DNAH11: variants seen among roughly 807,000 people sequenced by gnomAD.
The protein encoded by DNAH11 is axonemal beta dynein heavy chain 11.
Under a neutral mutation model 526.0 loss-of-function variants are expected in DNAH11, and 442 were observed. The observed-to-expected ratio is 0.84, with a 90% CI of 0.78 to 0.91. The LOEUF is 0.91. Ranked by LOEUF, DNAH11 falls within the 40% of genes least tolerant of loss-of-function variation. The pLI, the probability that DNAH11 is intolerant of heterozygous loss-of-function variation, is 0.00. For missense variants in DNAH11, 6,989 were observed against 5,448.7 expected (o/e 1.28, Z -8.90); for synonymous variants, 2,461 against 1,935.9 (o/e 1.27, Z -7.12).
intron 68 of DNAH11, among the ~76,000 whole-genome samples, chr7:21,858,079 AAGAGTTGAAC>A (rs1291772103): frequency 3.3e-5 from 5 of 152,208 alleles, no homozygotes; most frequent in Non-Finnish European, 7.4e-5. Context: ...ACTCAGTAAT[AAGAGTTGAAC>A]AGACATGTAA....
chr7:21,788,944 G>A (rs1788313030), intron 60 of DNAH11, among the ~76,000 whole-genome samples: 1 of 152,174 alleles, frequency 6.6e-6, no homozygotes, highest in Non-Finnish European at 1.5e-5. Context: ...GGACCAGAGA[G>A]AATGTGGAAG....
At chr7:21,687,677 A>G in intron 34 of DNAH11, 150 bp downstream of exon 34, 1 of 991,148 alleles carries the variant, frequency 1.0e-6, no homozygotes, top group East Asian at 2.6e-5. Context: ...TATTTTGAAT[A>G]GTCTCCCATT....
chr7:21,575,697 T>C (rs1238536549), intron 8 of DNAH11, among the ~76,000 whole-genome samples: 9 of 152,198 alleles, frequency 5.9e-5, no homozygotes, highest in Admixed American at 5.9e-4. Flanking sequence ...CTTCCATTTT[T>C]CCTCCCCAAA....
chr7:21,696,713 G>C (rs1783867085), intron 35 of DNAH11, among the ~76,000 whole-genome samples: 1 of 152,140 alleles, frequency 6.6e-6, no homozygotes, highest in Non-Finnish European at 1.5e-5. Context: ...GGAGTATTCT[G>C]ATTCCACCAC....
At chr7:21,619,887 C>G in intron 24 of DNAH11, 69 bp from the exon 25 acceptor site, 1 of 1,431,178 alleles carries the variant, frequency 7.0e-7, no homozygotes, top group South Asian at 1.3e-5. Context: ...AAAATTAATT[C>G]CAGATAATAG....
At position 21,901,501 on chromosome 7, in the gene DNAH11, AAAGGTTGCAGTGAGCC is replaced by A. The variant is rs1333884385; in HGVS notation, c.*248_*263del. 5.3e-6 allele frequency: 2 copies of A among 373,946 alleles called. No homozygotes were observed. The highest frequency in any genetic ancestry group is 5.6e-5 in the East Asian group (1 of 17,774). 23.2% of individuals were successfully genotyped at this position (373,946 alleles called of 1,614,324 possible). A position where few individuals can be genotyped will look rare whatever the true frequency, so the allele number is the denominator to read the frequency against. ...GGAGAATCACTTGAACCTAGGAGGCAAAGGTTGCAGTGAGCCGAGGTTGCACCACTGCACTCCCTCC... is the reference window on the plus strand; with the variant it reads ...GGAGAATCACTTGAACCTAGGAGGCAGAGGTTGCACCACTGCACTCCCTCC... On this transcript the variant is annotated 3_prime_UTR_variant, in exon 82 of 82. Transcript: ENST00000409508.
intron 54 of DNAH11, among the ~76,000 whole-genome samples, chr7:21,760,331 A>G (rs12700302): frequency 0.25 from 37,493 of 152,052 alleles, 5,122 homozygotes; most frequent in Admixed American, 0.4. Flanking sequence ...AACCTGCTCT[A>G]TAGATGAGTT....
chr7:21,748,537 G>T (rs372272834), intron 51 of DNAH11, 43 bp from the exon 52 acceptor site: 2 of 1,428,926 alleles, frequency 1.4e-6, no homozygotes, highest in Middle Eastern at 1.9e-4. Context: ...TAGTCCCGGG[G>T]CATTTTCGAT....
At chr7:21,864,689 G>T in intron 70 of DNAH11, 32 bp downstream of exon 70, 1 of 1,543,210 alleles carries the variant, frequency 6.5e-7, no homozygotes, top group South Asian at 1.3e-5. Flanking sequence ...TCAAATTCTG[G>T]ATCTTATTTA....
chr7:21,591,901 G>T (rs138307499), intron 14 of DNAH11, among the ~76,000 whole-genome samples: 1 of 152,068 alleles, frequency 6.6e-6, no homozygotes, highest in Non-Finnish European at 1.5e-5. Flanking sequence ...TGACTGCCTC[G>T]TATGTGCCAA....
chr7:21,543,627 A>T (rs1432773646), intron 1 of DNAH11, 31 bp downstream of exon 1: 1 of 1,556,208 alleles, frequency 6.4e-7, no homozygotes, highest in East Asian at 2.4e-5. Flanking sequence ...GGACCTGCCC[A>T]TCCAACAAAA....
At chr7:21,680,664 C>G (rs372706384) in intron 30 of DNAH11, among the ~76,000 whole-genome samples, 30 of 152,280 alleles carry the variant, frequency 2.0e-4, no homozygotes, top group African/African-American at 6.5e-4. Context: ...CCATTTTATT[C>G]CTTTCCATTC....
intron 63 of DNAH11, among the ~76,000 whole-genome samples, chr7:21,810,585 G>A (rs1317106353): frequency 6.6e-6 from 1 of 152,152 alleles, no homozygotes; most frequent in East Asian, 1.9e-4. Context: ...GGCAACAGGG[G>A]AGTAGATGGT....
chr7:21,795,064 G>T (rs938513559), intron 61 of DNAH11, among the ~76,000 whole-genome samples: 1 of 152,106 alleles, frequency 6.6e-6, no homozygotes, highest in East Asian at 1.9e-4. Context: ...TTTGTTTTGG[G>T]TTTTCTGTAG....
At chr7:21,722,378 T>C (rs1156495876) in intron 44 of DNAH11, among the ~76,000 whole-genome samples, 1 of 152,168 alleles carries the variant, frequency 6.6e-6, no homozygotes, top group East Asian at 1.9e-4. Flanking sequence ...ACATTAAAAA[T>C]AGATAGCACA....
At chr7:21,873,941 C>A (rs535438374) in intron 74 of DNAH11, among the ~76,000 whole-genome samples, 23 of 151,900 alleles carry the variant, frequency 1.5e-4, no homozygotes, top group Middle Eastern at 6.8e-3. Context: ...CAGCTGCATA[C>A]CACCACGCCC....
intron 76 of DNAH11, among the ~76,000 whole-genome samples, chr7:21,885,998 T>G (rs574525975): frequency 1.3e-5 from 2 of 152,148 alleles, no homozygotes; most frequent in African/African-American, 4.8e-5. Context: ...ATGCTCTCTC[T>G]CCCTCATGGC....
chr7:21,762,813 T>C (rs1786980970), intron 54 of DNAH11, among the ~76,000 whole-genome samples: 1 of 152,154 alleles, frequency 6.6e-6, no homozygotes, highest in Admixed American at 6.5e-5. Context: ...ATCTTGGCAA[T>C]GATTTCTTTG....
At chr7:21,611,047 T>C (rs1380714112) in intron 20 of DNAH11, among the ~76,000 whole-genome samples, 2 of 152,212 alleles carry the variant, frequency 1.3e-5, no homozygotes, top group African/African-American at 4.8e-5. Context: ...TCTGGGCATG[T>C]CTGAGGACAC....
Sources: gnomAD v4.1 joint callset for allele counts (sites outside exome capture counted in the v4.1 genomes callset) on GRCh38, gnomAD v4.1.1 for gene constraint, MANE v1.5 for transcripts, NCBI Gene and HGNC (gene_info 2026-07-23, HGNC 2026-07-21) for gene names.